The following NAE1 variants were observed in gnomAD, a reference collection of about 807,000 sequenced individuals.
NAE1 encodes NEDD8 activating enzyme E1 subunit 1.
A neutral mutation model predicts 88.0 loss-of-function variants in NAE1; 59 were observed. The ratio of observed to expected loss-of-function variants is 0.67; its 90% CI spans 0.54 to 0.83. The LOEUF is 0.83. Among genes scored for constraint, NAE1 ranks in the 40% least tolerant of loss-of-function variants. The pLI, the probability that NAE1 is intolerant of heterozygous loss-of-function variation, is 0.00. For missense variants in NAE1, 554 were observed against 632.8 expected (o/e 0.88, Z 1.34); for synonymous variants, 186 against 208.9 (o/e 0.89, Z 0.95).
intron 17 of NAE1, among the ~76,000 whole-genome samples, chr16:66,806,494 G>A (rs997596782): frequency 1.5e-4 from 23 of 151,632 alleles, no homozygotes; most frequent in African/African-American, 5.3e-4. Context: ...GTGCAGTCTC[G>A]GCTCACCGCA....
At chr16:66,830,525 G>T (rs932731171) in intron 1 of NAE1, among the ~76,000 whole-genome samples, 1 of 152,202 alleles carries the variant, frequency 6.6e-6, no homozygotes, top group African/African-American at 2.4e-5. Context: ...GCCGGGATGC[G>T]GTGCGCCCCG....
chr16:66,825,339 C>T (rs536673094), intron 3 of NAE1, among the ~76,000 whole-genome samples: 7 of 151,298 alleles, frequency 4.6e-5, no homozygotes, highest in African/African-American at 1.2e-4. Flanking sequence ...CCCAGCTACT[C>T]GGAAGGCTGA....
At chr16:66,803,755 T>C (rs1959448913) in intron 19 of NAE1, among the ~76,000 whole-genome samples, 1 of 152,012 alleles carries the variant, frequency 6.6e-6, no homozygotes, top group African/African-American at 2.4e-5. Context: ...CACACCTGGA[T>C]AATTTTTTTG....
In NAE1 at chr16:66,826,661, C is replaced by T; in HGVS notation, c.157+16G>A. ...TAAAGAAGTATATTTAGAACACAAC[C>T]ACAAACCTACGTTACCTGGTAGTAC... On this transcript the variant is annotated intron_variant, in intron 2 of 19. Coordinates refer to ENST00000290810, the MANE Select transcript of NAE1 (RefSeq NM_003905.4). 6.2e-7 allele frequency: 1 copy of T among 1,613,850 alleles called. No homozygotes were observed. The highest frequency in any genetic ancestry group is 8.5e-7 in the Non-Finnish European group (1 of 1,179,904).
chr16:66,815,815 CCAT>C (rs1372551836), intron 11 of NAE1, among the ~76,000 whole-genome samples: 6 of 151,964 alleles, frequency 3.9e-5, no homozygotes, highest in Non-Finnish European at 5.9e-5. Flanking sequence ...GTGCCCACCA[CCAT>C]GCCCAGCTAA....
chr16:66,811,971 T>C lies in NAE1; in HGVS notation c.1035-1199A>G, dbSNP rs193032241. 8.5e-5 allele frequency among the ~76,000 whole-genome samples: 13 copies of C among 152,288 alleles called. No homozygotes were observed. The East Asian group carries it at 1.7e-3, about 20-fold the overall frequency. On this transcript the variant is annotated intron_variant, in intron 13 of 19. Coordinates refer to ENST00000290810, the MANE Select transcript of NAE1 (RefSeq NM_003905.4). ...AACCGAGCCAGCAGACCTGGATTCT[T>C]TGCACCATGCCCTAACTATACGAGG... is the stretch of plus-strand genomic sequence containing the variant.
intron 13 of NAE1, 92 bp downstream of exon 13, chr16:66,813,470 TAA>T: frequency 7.0e-7 from 1 of 1,424,842 alleles, no homozygotes; most frequent in South Asian, 1.4e-5. Flanking sequence ...GAGGTTGTAA[TAA>T]ACTTTCATTT....
At chr16:66,829,564 G>A (rs546894143) in intron 1 of NAE1, among the ~76,000 whole-genome samples, 8 of 152,300 alleles carry the variant, frequency 5.3e-5, no homozygotes, top group African/African-American at 1.9e-4. Context: ...CTCTACTACA[G>A]CACTAGGCTG....
chr16:66,820,714 A>G (rs1287221237), intron 7 of NAE1, among the ~76,000 whole-genome samples: 3 of 152,288 alleles, frequency 2.0e-5, no homozygotes, highest in East Asian at 1.9e-4. Flanking sequence ...ATCCTGGCTA[A>G]CATGGTGAAA....
At chr16:66,827,941 C>T (rs767917752) in intron 1 of NAE1, 2 of 1,554,064 alleles carry the variant, frequency 1.3e-6, no homozygotes, top group South Asian at 2.2e-5. Flanking sequence ...TCGCCTCAGC[C>T]TCTAGAGTTG....
At chr16:66,823,189 T>C (rs777252925) in intron 6 of NAE1, 38 bp downstream of exon 6, 3 of 1,286,922 alleles carry the variant, frequency 2.3e-6, no homozygotes, top group Non-Finnish European at 3.3e-6. Flanking sequence ...GCAAATCTAA[T>C]AAGATTAAAA....
At chr16:66,814,162 G>C (rs940411358) in intron 11 of NAE1, among the ~76,000 whole-genome samples, 6 of 151,984 alleles carry the variant, frequency 3.9e-5, no homozygotes, top group African/African-American at 1.5e-4. Flanking sequence ...TTATAGACTC[G>C]CAGTATATCA....
intron 17 of NAE1, among the ~76,000 whole-genome samples, chr16:66,807,171 T>C (rs1330672046): frequency 6.6e-6 from 1 of 152,242 alleles, no homozygotes; most frequent in Non-Finnish European, 1.5e-5. Context: ...GAGAACTGCC[T>C]GAGACCAGGC....
Position 66,818,569 on chromosome 16 carries a change from C to G in NAE1, c.580G>C (p.Glu194Gln). The G allele has an allele frequency of 6.2e-7, 1 of 1,613,002 alleles. No individual in the cohort carries two copies. ...RLDKPFPELREHFQSYDLDHM... is the reference protein window; with the variant it reads ...RLDKPFPELRQHFQSYDLDHM... ...TCCAAATCATAGGACTGAAAATGTT[C>G]TCTCAGTTCAGGAAATGGCTTATCT... is the stretch of plus-strand genomic sequence containing the variant. Residue 194 changes from glutamate (E) to glutamine (Q), a missense_variant, in exon 8 of 20, where the codon GAA (glutamate) becomes CAA (glutamine). Transcript: ENST00000290810.
At chr16:66,807,463 A>G (rs773278346) in intron 17 of NAE1, among the ~76,000 whole-genome samples, 4 of 152,018 alleles carry the variant, frequency 2.6e-5, no homozygotes, top group Non-Finnish European at 4.4e-5. Flanking sequence ...AACACGGAGA[A>G]ACCCTGTTTC....
At chr16:66,821,932 T>C (rs1960278617) in intron 6 of NAE1, among the ~76,000 whole-genome samples, 1 of 152,144 alleles carries the variant, frequency 6.6e-6, no homozygotes, top group Non-Finnish European at 1.5e-5. Context: ...TGCAGTGGCA[T>C]GATCATGGCT....
rs1218823941 is a variant in NAE1, at chr16:66,826,334, CATTT to C, written c.218+185_218+188del. The stretch of plus-strand genomic sequence containing the variant: ...CAATAAAGACAGTAATGATGGGTAA[CATTT>C]ATTAATGCCCTATTTGCCAGATGCT... On this transcript the variant is annotated intron_variant, in intron 3 of 19. Coordinates refer to ENST00000290810, the MANE Select transcript of NAE1 (RefSeq NM_003905.4). 18 of 592,800 alleles carry C rather than the reference CATTT, an allele frequency of 3.0e-5. No individual in the cohort carries two copies. In the East Asian group the frequency reaches 4.8e-4, roughly 16 times the overall value. The allele number at this position is 592,800 out of a possible 1,614,324, so 36.7% of individuals were successfully genotyped here. A position where few individuals can be genotyped will look rare whatever the true frequency, so the allele number is the denominator to read the frequency against.
chr16:66,826,862 T>G, intron 1 of NAE1, 82 bp from the exon 2 acceptor site: 1 of 1,288,294 alleles, frequency 7.8e-7, no homozygotes, highest in South Asian at 1.4e-5. Flanking sequence ...TCTTTAAACT[T>G]TCCTTGCATA....
intron 11 of NAE1, among the ~76,000 whole-genome samples, chr16:66,814,074 T>C (rs1959934474): frequency 6.6e-6 from 1 of 152,182 alleles, no homozygotes; most frequent in Non-Finnish European, 1.5e-5. Flanking sequence ...TTAATACCTA[T>C]TCTCTTATAC....
Sources: gnomAD v4.1 joint callset for allele counts (sites outside exome capture counted in the v4.1 genomes callset) on GRCh38, gnomAD v4.1.1 for gene constraint, MANE v1.5 for transcripts, NCBI Gene and HGNC (gene_info 2026-07-23, HGNC 2026-07-21) for gene names.